Variants in MTCL2 observed in about 807,000 individuals in gnomAD.
MTCL2 encodes the protein microtubule crosslinking factor 2.
At chr20:36,794,175 G>A in the MTCL2 span, 4 of 1,549,524 alleles carry the variant, frequency 2.6e-6, no homozygotes, top group Non-Finnish European at 3.5e-6. This position sits in a 1 kb window ranked among gnomAD's most constrained non-coding sequence, Gnocchi z 5.4. Context: ...CAGAGCCACC[G>A]ACCATAGGAG....
At chr20:36,817,902 C>A in the MTCL2 span, among the ~76,000 whole-genome samples, 2 of 152,222 alleles carry the variant, frequency 1.3e-5, no homozygotes, top group Non-Finnish European at 2.9e-5. Flanking sequence ...GATTCCCCTT[C>A]GGAACTGAGA....
At chr20:36,814,521 G>A in the MTCL2 span, among the ~76,000 whole-genome samples, 3 of 152,184 alleles carry the variant, frequency 2.0e-5, no homozygotes, top group African/African-American at 7.2e-5. Context: ...GGCTGAGGCT[G>A]GTGGATCACT....
chr20:36,794,068 T>C, the MTCL2 span: 1 of 1,551,412 alleles, frequency 6.4e-7, no homozygotes, highest in Non-Finnish European at 8.7e-7. The surrounding 1 kb of genome is among the most constrained non-coding windows in gnomAD (Gnocchi z 5.4). Context: ...TCATGTTGCC[T>C]GACATCTCAA....
chr20:36,829,737 C>T, the MTCL2 span, among the ~76,000 whole-genome samples: 1 of 152,056 alleles, frequency 6.6e-6, no homozygotes, highest in Non-Finnish European at 1.5e-5. Flanking sequence ...GTGGCTCACA[C>T]CTGTAATCCC....
chr20:36,816,270 G>A, the MTCL2 span: 1 of 1,603,004 alleles, frequency 6.2e-7, no homozygotes. Context: ...CTCCTCCTTT[G>A]CAAAGTGCAA....
the MTCL2 span, among the ~76,000 whole-genome samples, chr20:36,814,682 T>G: frequency 2.6e-5 from 4 of 151,810 alleles, no homozygotes; most frequent in Non-Finnish European, 5.9e-5. Flanking sequence ...AAGTCAGGAG[T>G]TCGAGACCAG....
At chr20:36,804,185 C>A in the MTCL2 span, among the ~76,000 whole-genome samples, 1 of 152,114 alleles carries the variant, frequency 6.6e-6, no homozygotes, top group African/African-American at 2.4e-5. Flanking sequence ...CAGGGGCAGG[C>A]TGGATGGAAG....
chr20:36,839,507 C>T, the MTCL2 span: 2 of 1,482,740 alleles, frequency 1.3e-6, no homozygotes, highest in Non-Finnish European at 9.3e-7. The surrounding 1 kb of genome is among the most constrained non-coding windows in gnomAD (Gnocchi z 5.1). Flanking sequence ...GGAGTACTGG[C>T]CACACCTAGG....
the MTCL2 span, among the ~76,000 whole-genome samples, chr20:36,834,424 G>C: frequency 2.6e-5 from 4 of 152,260 alleles, no homozygotes; most frequent in Admixed American, 2.6e-4. Flanking sequence ...GCTTCCCACA[G>C]GAGTCACTTT....
the MTCL2 span, chr20:36,793,897 G>A: frequency 6.4e-7 from 1 of 1,550,694 alleles, no homozygotes; most frequent in Non-Finnish European, 8.7e-7. This position sits in a 1 kb window ranked among gnomAD's most constrained non-coding sequence, Gnocchi z 6.8. Flanking sequence ...GGCTGCTGCG[G>A]GGTGGGTCGG....
the MTCL2 span, chr20:36,805,821 A>C: frequency 1.3e-6 from 2 of 1,541,972 alleles, no homozygotes; most frequent in Admixed American, 4.1e-5. Flanking sequence ...ATGAATGGAC[A>C]CAACAGGACC....
At chr20:36,824,597 ACAT>A in the MTCL2 span, among the ~76,000 whole-genome samples, 3 of 152,270 alleles carry the variant, frequency 2.0e-5, no homozygotes, top group South Asian at 6.2e-4. Context: ...ACGCTACAAA[ACAT>A]CATGAATATA....
At chr20:36,835,847 G>A in the MTCL2 span, among the ~76,000 whole-genome samples, 3 of 151,956 alleles carry the variant, frequency 2.0e-5, no homozygotes, top group East Asian at 5.8e-4. Flanking sequence ...CCCCACACCC[G>A]CCTCCCCGCC....
the MTCL2 span, chr20:36,784,098 G>C: frequency 3.0e-5 from 30 of 985,638 alleles, no homozygotes; most frequent in Non-Finnish European, 3.5e-5. Flanking sequence ...GTCCCACGGG[G>C]ATTTCTCCCC....
At chr20:36,835,692 A>C in the MTCL2 span, among the ~76,000 whole-genome samples, 1 of 152,126 alleles carries the variant, frequency 6.6e-6, no homozygotes, top group Non-Finnish European at 1.5e-5. Flanking sequence ...CTCAGGCCCC[A>C]GGCCCGCAGA....
the MTCL2 span, among the ~76,000 whole-genome samples, chr20:36,819,610 CAA>C: frequency 2.0e-3 from 253 of 126,086 alleles, no homozygotes; most frequent in African/African-American, 2.2e-3. Context: ...CAGAATTACT[CAA>C]AAAAAAAAAA....
the MTCL2 span, chr20:36,808,493 A>T: frequency 6.4e-7 from 1 of 1,566,160 alleles, no homozygotes; most frequent in African/African-American, 1.4e-5. Flanking sequence ...TCCCAGTCCC[A>T]GTCCCTGGCC....
the MTCL2 span, chr20:36,786,050 C>T: frequency 5.1e-6 from 5 of 986,668 alleles, no homozygotes; most frequent in Middle Eastern, 5.2e-4. Flanking sequence ...GCAGTGTCTC[C>T]TCCCAAATGA....
At chr20:36,806,969 G>A in the MTCL2 span, among the ~76,000 whole-genome samples, 5 of 152,230 alleles carry the variant, frequency 3.3e-5, no homozygotes, top group South Asian at 6.2e-4. Flanking sequence ...TGTGTGGCCT[G>A]CAGGTCATTC....
Sources: gnomAD v4.1 joint callset for allele counts (sites outside exome capture counted in the v4.1 genomes callset) on GRCh38, gnomAD v4.1.1 for gene constraint, Gnocchi (gnomAD v3.1) non-coding constraint, MANE v1.5 for transcripts, NCBI Gene and HGNC (gene_info 2026-07-23, HGNC 2026-07-21) for gene names.